Variants in EGFR observed in about 807,000 individuals in gnomAD.
EGFR encodes epidermal growth factor receptor.
EGFR carries 58 observed loss-of-function variants against 143.0 expected under a neutral mutation model. That is an observed-to-expected ratio of 0.41 (90% CI 0.33 to 0.50). The LOEUF (loss-of-function observed/expected upper bound fraction) is 0.50, where lower values mean the gene tolerates loss of function less well. Ranked by LOEUF, EGFR falls within the 20% of genes least tolerant of loss-of-function variation. The probability of loss-of-function intolerance (pLI) is 0.39; values close to 1 mark genes in which losing one functional copy is unlikely to be tolerated. For synonymous variants in EGFR, 613 were observed against 594.4 expected (o/e 1.03, Z -0.45); for missense variants, 1,307 against 1,579.0 (o/e 0.83, Z 2.92).
chr7:55,172,723 A>T, intron 16 of EGFR: 1 of 798,168 alleles, frequency 1.3e-6, no homozygotes, highest in Non-Finnish European at 2.0e-6. Context: ...TACTCATTAT[A>T]TGGAGAGGTC....
At chr7:55,174,923 C>A (rs17290371) in intron 19 of EGFR, 103 bp downstream of exon 19, 1 of 867,250 alleles carries the variant, frequency 1.2e-6, no homozygotes, top group Non-Finnish European at 1.9e-6. Context: ...CTCATCTCCA[C>A]ATCCTAAATG....
chr7:55,187,334 T>C (rs1263961923), intron 20 of EGFR, among the ~76,000 whole-genome samples: 1 of 143,322 alleles, frequency 7.0e-6, no homozygotes, highest in African/African-American at 2.6e-5. Flanking sequence ...CACCCTCTGA[T>C]TAATCCATTC....
chr7:55,069,210 A>G (rs1274256404), intron 1 of EGFR, among the ~76,000 whole-genome samples: 1 of 152,188 alleles, frequency 6.6e-6, no homozygotes, highest in Non-Finnish European at 1.5e-5. Flanking sequence ...AATTAAGACA[A>G]TTCATTCTCC....
intron 20 of EGFR, among the ~76,000 whole-genome samples, chr7:55,187,367 TGCG>T (rs1787185585): frequency 6.6e-5 from 10 of 152,142 alleles, no homozygotes; most frequent in Admixed American, 6.5e-4. Flanking sequence ...AACAAAGGCA[TGCG>T]GTGTTTACGT....
intron 16 of EGFR, 21 bp downstream of exon 16, chr7:55,171,234 G>C (rs1430971636): frequency 6.2e-7 from 1 of 1,614,190 alleles, no homozygotes. Flanking sequence ...ACAGCTCTGT[G>C]TCACATGGAC....
chr7:55,142,380 C>A lies in EGFR; in HGVS notation c.183C>A (p.Val61=). ...LQRMFNNCEV[V]LGNLEITYVQ... The stretch of plus-strand genomic sequence containing the variant: ...GGATGTTCAATAACTGTGAGGTGGT[C>A]CTTGGGAATTTGGAAATTACCTATG... Residue 61 remains valine (V), a synonymous_variant, in exon 2 of 28, where the codon GTC becomes GTA. Coordinates refer to ENST00000275493, the MANE Select transcript of EGFR (RefSeq NM_005228.5). 1 of 1,614,096 alleles carries A rather than the reference C, an allele frequency of 6.2e-7. No individual in the cohort carries two copies.
At chr7:55,091,598 C>T (rs1365563694) in intron 1 of EGFR, among the ~76,000 whole-genome samples, 2 of 152,150 alleles carry the variant, frequency 1.3e-5, no homozygotes, top group African/African-American at 4.8e-5. Context: ...TGAGAAATGT[C>T]ATGTCGAAGC....
chr7:55,078,403 G>A (rs1790260048), intron 1 of EGFR, among the ~76,000 whole-genome samples: 2 of 152,132 alleles, frequency 1.3e-5, no homozygotes, highest in Non-Finnish European at 2.9e-5. Flanking sequence ...GCCACGTAGA[G>A]ACACTATTTT....
intron 1 of EGFR, among the ~76,000 whole-genome samples, chr7:55,070,983 G>C (rs1025065734): frequency 5.9e-5 from 9 of 152,232 alleles, no homozygotes; most frequent in African/African-American, 2.2e-4. Context: ...CATCCCACCG[G>C]CTGTTTCAGT....
intron 19 of EGFR, 66 bp from the exon 20 acceptor site, chr7:55,181,227 G>A (rs565372742): frequency 5.0e-5 from 79 of 1,569,376 alleles, no homozygotes; most frequent in Admixed American, 4.2e-4. Flanking sequence ...ACCTGGAAGG[G>A]GTCCATGTGC....
intron 1 of EGFR, among the ~76,000 whole-genome samples, chr7:55,141,312 C>T (rs1056319758): frequency 1.3e-5 from 2 of 152,202 alleles, no homozygotes; most frequent in Non-Finnish European, 1.5e-5. Flanking sequence ...GTAAATACAA[C>T]TTTATTATAA....
At chr7:55,152,426 C>T in intron 5 of EGFR, 120 bp from the exon 6 acceptor site, 1 of 907,480 alleles carries the variant, frequency 1.1e-6, no homozygotes. Flanking sequence ...AATGTGGTTT[C>T]GTTGGAAGCA....
rs193129146 is a variant in EGFR at position 55,190,375 on chromosome 7, C to T, written c.2470-1344C>T. The stretch of plus-strand genomic sequence containing the variant: ...AGAAAAACATTAAAGGCCTCACAAA[C>T]GGCGCCCAAAGACTAATTCTGCATA... On this transcript the variant is annotated intron_variant, in intron 20 of 27. Transcript: ENST00000275493. Among the ~76,000 whole-genome samples the T allele has an allele frequency of 3.3e-5, 5 of 152,284 alleles. No homozygotes were observed. The East Asian group carries it at 7.7e-4, about 24-fold the overall frequency.
At position 55,163,791 on chromosome 7, in the gene EGFR, C is replaced by T. The variant is rs773651001; in HGVS notation, c.1690C>T (p.Pro564Ser). ...ECIQCHPECL[P>S]QAMNITCTGR... is the part of the protein sequence containing the mutation. ...CATACAGTGCCACCCAGAGTGCCTG[C>T]CTCAGGCCATGAACATCACCTGCAC... Residue 564 changes from proline to serine, a missense_variant, in exon 14 of 28, where the codon CCT becomes TCT. Coordinates refer to ENST00000275493, the MANE Select transcript of EGFR (RefSeq NM_005228.5). 2 of 1,614,112 alleles carry T rather than the reference C, an allele frequency of 1.2e-6. No homozygotes were observed. The highest frequency in any genetic ancestry group is 3.3e-5 in the Admixed American group (2 of 60,008).
intron 19 of EGFR, 195 bp from the exon 20 acceptor site, chr7:55,181,098 C>T (rs1290253808): frequency 1.5e-6 from 1 of 682,698 alleles, no homozygotes; most frequent in Non-Finnish European, 2.5e-6. Context: ...GGGCCCTCTC[C>T]CACTGCATCT....
At chr7:55,117,972 G>T (rs542438977) in intron 1 of EGFR, among the ~76,000 whole-genome samples, 18 of 152,008 alleles carry the variant, frequency 1.2e-4, no homozygotes, top group African/African-American at 3.6e-4. Context: ...AGAAGGAAGG[G>T]AATCCAGACC....
chr7:55,032,894 C>T (rs992421868), intron 1 of EGFR, among the ~76,000 whole-genome samples: 2 of 152,122 alleles, frequency 1.3e-5, no homozygotes, highest in Admixed American at 6.5e-5. Context: ...ACTACCTTTG[C>T]AGGGTAAAGG....
At chr7:55,032,035 T>G (rs1787279231) in intron 1 of EGFR, among the ~76,000 whole-genome samples, 2 of 152,214 alleles carry the variant, frequency 1.3e-5, no homozygotes, top group South Asian at 4.1e-4. Flanking sequence ...TTTTGCAGGC[T>G]TGGTGACTTC....
intron 1 of EGFR, among the ~76,000 whole-genome samples, chr7:55,103,499 A>G (rs1791943923): frequency 6.6e-6 from 1 of 152,250 alleles, no homozygotes; most frequent in Non-Finnish European, 1.5e-5. Flanking sequence ...AACCTGCAGC[A>G]TTGCATTCAG....
Sources: gnomAD v4.1 joint callset for allele counts (sites outside exome capture counted in the v4.1 genomes callset) on GRCh38, gnomAD v4.1.1 for gene constraint, MANE v1.5 for transcripts, NCBI Gene and HGNC (gene_info 2026-07-23, HGNC 2026-07-21) for gene names.